The following CSNK2A2IP variants were observed in gnomAD, a reference collection of about 807,000 sequenced individuals.
CSNK2A2IP encodes the protein casein kinase II subunit alpha'-interacting protein.
chr3:88,399,947 G>A, the CSNK2A2IP span: 23 of 152,254 alleles, frequency 1.5e-4, no homozygotes, highest in Middle Eastern at 3.4e-3. Context: ...ATGAATACTT[G>A]AGGAATCAAA....
chr3:88,361,181 G>C, the CSNK2A2IP span, among the ~76,000 whole-genome samples: 3 of 152,204 alleles, frequency 2.0e-5, no homozygotes, highest in Admixed American at 6.5e-5. Context: ...GTATTTGTCT[G>C]TGTATTTACT....
chr3:88,357,739 C>T, the CSNK2A2IP span, among the ~76,000 whole-genome samples: 3 of 143,034 alleles, frequency 2.1e-5, no homozygotes, highest in African/African-American at 7.8e-5. Context: ...TGTTTTGTGT[C>T]CTATTCAATT....
the CSNK2A2IP span, among the ~76,000 whole-genome samples, chr3:88,449,749 T>G: frequency 4.7e-5 from 5 of 105,904 alleles, no homozygotes; most frequent in Non-Finnish European, 1.1e-4. Flanking sequence ...TTTCCAAATA[T>G]ACCTTTTTTC....
At chr3:88,392,800 G>A in the CSNK2A2IP span, among the ~76,000 whole-genome samples, 1 of 152,162 alleles carries the variant, frequency 6.6e-6, no homozygotes, top group African/African-American at 2.4e-5. Context: ...AAATAGGATA[G>A]TTAACTGGGC....
chr3:88,394,341 G>A, the CSNK2A2IP span, among the ~76,000 whole-genome samples: 1 of 152,116 alleles, frequency 6.6e-6, no homozygotes, highest in Non-Finnish European at 1.5e-5. Context: ...ATGGATGGGG[G>A]TGTCTCAGTT....
At chr3:88,389,425 G>A in the CSNK2A2IP span, among the ~76,000 whole-genome samples, 2 of 152,166 alleles carry the variant, frequency 1.3e-5, no homozygotes, top group South Asian at 4.1e-4. Context: ...GGAGAGAAGT[G>A]AGGCAGGATG....
chr3:88,449,874 T>TATATATATATAGAGAGAGAGAGAG, the CSNK2A2IP span, among the ~76,000 whole-genome samples: 5 of 70,104 alleles, frequency 7.1e-5, no homozygotes, highest in Non-Finnish European at 1.6e-4. Context: ...TATATATATA[T>TATATATATATAGAGAGAGAGAGAG]AGAGAGAGAG....
chr3:88,367,993 G>T, the CSNK2A2IP span, among the ~76,000 whole-genome samples: 1 of 151,996 alleles, frequency 6.6e-6, no homozygotes, highest in Non-Finnish European at 1.5e-5. Context: ...TATTTTGGAG[G>T]TATAAATTTC....
chr3:88,339,798 A>G, the CSNK2A2IP span, among the ~76,000 whole-genome samples: 6 of 152,084 alleles, frequency 3.9e-5, no homozygotes, highest in Non-Finnish European at 8.8e-5. Flanking sequence ...GTGTGAAAAA[A>G]TGTTAACCAG....
the CSNK2A2IP span, among the ~76,000 whole-genome samples, chr3:88,445,523 G>T: frequency 6.6e-6 from 1 of 152,098 alleles, no homozygotes; most frequent in Non-Finnish European, 1.5e-5. Flanking sequence ...AAATGCATTT[G>T]CAGATTGATT....
chr3:88,411,777 C>T, the CSNK2A2IP span, among the ~76,000 whole-genome samples: 2 of 151,262 alleles, frequency 1.3e-5, no homozygotes. Flanking sequence ...GTGAGAAATA[C>T]ATTACAGATT....
At chr3:88,431,923 T>C in the CSNK2A2IP span, among the ~76,000 whole-genome samples, 1 of 152,088 alleles carries the variant, frequency 6.6e-6, no homozygotes, top group African/African-American at 2.4e-5. Context: ...TGTGAAATGG[T>C]TTTGGATTTA....
At chr3:88,444,960 C>A in the CSNK2A2IP span, among the ~76,000 whole-genome samples, 1 of 152,002 alleles carries the variant, frequency 6.6e-6, no homozygotes, top group Non-Finnish European at 1.5e-5. Context: ...ACCTAGTGAC[C>A]ATTTCCTGGA....
chr3:88,365,284 A>G, the CSNK2A2IP span, among the ~76,000 whole-genome samples: 1 of 152,206 alleles, frequency 6.6e-6, no homozygotes, highest in Admixed American at 6.6e-5. Context: ...AATTGAAGTG[A>G]ATGTAGTTAG....
chr3:88,454,604 G>T, the CSNK2A2IP span, among the ~76,000 whole-genome samples: 2 of 151,800 alleles, frequency 1.3e-5, no homozygotes, highest in South Asian at 4.2e-4. Context: ...TTACTTTGAG[G>T]TATGAATCAC....
At chr3:88,439,118 C>T in the CSNK2A2IP span, among the ~76,000 whole-genome samples, 4 of 152,120 alleles carry the variant, frequency 2.6e-5, no homozygotes, top group Non-Finnish European at 5.9e-5. Flanking sequence ...AATCTGTCTC[C>T]ACCCTCTACC....
the CSNK2A2IP span, among the ~76,000 whole-genome samples, chr3:88,460,267 T>C: frequency 2.0e-5 from 3 of 152,336 alleles, no homozygotes; most frequent in East Asian, 5.8e-4. Context: ...AGCAAAATAC[T>C]TTCTTTGAAA....
chr3:88,409,492 A>T, the CSNK2A2IP span, among the ~76,000 whole-genome samples: 1 of 151,194 alleles, frequency 6.6e-6, no homozygotes, highest in African/African-American at 2.4e-5. Context: ...TGGGGGGAAA[A>T]TGTCTAGGTG....
the CSNK2A2IP span, among the ~76,000 whole-genome samples, chr3:88,456,225 G>T: frequency 1.6e-3 from 250 of 152,042 alleles, no homozygotes; most frequent in Non-Finnish European, 1.7e-3. Flanking sequence ...TTCTATTTCT[G>T]CAAGCAATGC....
Sources: allele counts gnomAD v4.1 joint callset (sites outside exome capture counted in the v4.1 genomes callset), GRCh38; gene constraint gnomAD v4.1.1; transcripts MANE v1.5; gene names NCBI Gene and HGNC (gene_info 2026-07-23, HGNC 2026-07-21).